Variants in TNFAIP8 observed in about 807,000 individuals in gnomAD.
The protein encoded by TNFAIP8 is tumor necrosis factor alpha-induced protein 8.
In TNFAIP8, 7 loss-of-function variants were observed where a neutral mutation model predicts 13.3. The observed-to-expected ratio is 0.52, with a 90% CI of 0.30 to 0.99. The LOEUF (loss-of-function observed/expected upper bound fraction) is 0.99, where lower values mean the gene tolerates loss of function less well. Among genes scored for constraint, TNFAIP8 ranks in the 50% least tolerant of loss-of-function variants. TNFAIP8 has a pLI of 0.07. For synonymous variants in TNFAIP8, 94 were observed against 87.6 expected (o/e 1.07, Z -0.41); for missense variants, 258 against 236.9 (o/e 1.09, Z -0.58).
chr5:119,270,760 T>G (rs1416467980), intron 1 of TNFAIP8, among the ~76,000 whole-genome samples: 6 of 152,242 alleles, frequency 3.9e-5, no homozygotes. Flanking sequence ...ATGTGTTGTG[T>G]TAAGCTCTTT....
At chr5:119,349,121 T>C (rs562543062) in intron 1 of TNFAIP8, among the ~76,000 whole-genome samples, 20 of 152,228 alleles carry the variant, frequency 1.3e-4, no homozygotes, top group Admixed American at 9.8e-4. Context: ...TTGACCCCAT[T>C]CACCTGAGCA....
At chr5:119,349,578 G>A (rs1261885233) in intron 1 of TNFAIP8, among the ~76,000 whole-genome samples, 1 of 152,188 alleles carries the variant, frequency 6.6e-6, no homozygotes, top group East Asian at 1.9e-4. Context: ...TGAGTCTGGT[G>A]TTCTTTTCCT....
At chr5:119,324,409 C>T (rs1750156251) in intron 1 of TNFAIP8, among the ~76,000 whole-genome samples, 1 of 149,248 alleles carries the variant, frequency 6.7e-6, no homozygotes, top group Non-Finnish European at 1.5e-5. Flanking sequence ...GAACTCCTAT[C>T]TTTAACTTCT....
chr5:119,347,641 G>C (rs1252530213), intron 1 of TNFAIP8, among the ~76,000 whole-genome samples: 1 of 152,102 alleles, frequency 6.6e-6, no homozygotes, highest in African/African-American at 2.4e-5. Flanking sequence ...CTTAAATTTT[G>C]TAACCTGACC....
At chr5:119,315,252 T>A (rs2112678546) in intron 1 of TNFAIP8, among the ~76,000 whole-genome samples, 1 of 152,218 alleles carries the variant, frequency 6.6e-6, no homozygotes, top group Non-Finnish European at 1.5e-5. Context: ...CCAGCTTATT[T>A]TTTGTATTTT....
At chr5:119,284,801 G>C (rs1014164081) in intron 1 of TNFAIP8, among the ~76,000 whole-genome samples, 1 of 152,226 alleles carries the variant, frequency 6.6e-6, no homozygotes, top group South Asian at 2.1e-4. Context: ...CTGCCTTGCT[G>C]ATAACAAGTC....
chr5:119,300,190 T>C (rs6874081), intron 1 of TNFAIP8, among the ~76,000 whole-genome samples: 20,977 of 152,202 alleles, frequency 0.14, 3,859 homozygotes, highest in African/African-American at 0.42. Flanking sequence ...AGAAATCACC[T>C]GTCTTCTGTG....
chr5:119,382,816 C>T (rs990897892), intron 1 of TNFAIP8, among the ~76,000 whole-genome samples: 12 of 152,198 alleles, frequency 7.9e-5, no homozygotes, highest in Admixed American at 6.5e-4. Flanking sequence ...TACCTGACTG[C>T]CTGTCTTGTA....
intron 1 of TNFAIP8, among the ~76,000 whole-genome samples, chr5:119,376,542 T>C (rs903446796): frequency 3.3e-5 from 5 of 152,192 alleles, no homozygotes; most frequent in East Asian, 1.9e-4. Flanking sequence ...TTTATAAAAA[T>C]CAGTATTCAT....
chr5:119,381,615 C>T (rs1752488034), intron 1 of TNFAIP8, among the ~76,000 whole-genome samples: 1 of 152,114 alleles, frequency 6.6e-6, no homozygotes, highest in Admixed American at 6.5e-5. Flanking sequence ...TCCCCTGTCT[C>T]TTTTTCCTAG....
chr5:119,281,626 A>C (rs545656025), intron 1 of TNFAIP8, among the ~76,000 whole-genome samples: 1 of 152,224 alleles, frequency 6.6e-6, no homozygotes. Context: ...CATATGCCAT[A>C]CTAATTCTTT....
intron 1 of TNFAIP8, among the ~76,000 whole-genome samples, chr5:119,362,521 C>G (rs1751674034): frequency 6.6e-6 from 1 of 152,106 alleles, no homozygotes; most frequent in Non-Finnish European, 1.5e-5. Flanking sequence ...TAAGGCTAGG[C>G]ACAATGGCTC....
At chr5:119,380,906 T>C (rs966301300) in intron 1 of TNFAIP8, among the ~76,000 whole-genome samples, 2 of 152,344 alleles carry the variant, frequency 1.3e-5, no homozygotes, top group Admixed American at 6.5e-5. Context: ...AGCTGACATC[T>C]GTATTTTTGT....
intron 1 of TNFAIP8, among the ~76,000 whole-genome samples, chr5:119,310,357 A>G (rs13153732): frequency 0.13 from 19,389 of 151,962 alleles, 3,240 homozygotes; most frequent in African/African-American, 0.39. Flanking sequence ...AACTTCTCCT[A>G]GGACAGTTAC....
intron 1 of TNFAIP8, among the ~76,000 whole-genome samples, chr5:119,373,920 C>T (rs897615509): frequency 6.6e-6 from 1 of 152,090 alleles, no homozygotes; most frequent in African/African-American, 2.4e-5. Flanking sequence ...GATTCATAGC[C>T]TTTGGCAGGC....
In TNFAIP8 at chr5:119,397,657, C is replaced by T. The variant is rs1168650611; in HGVS notation, c.*4276C>T. The T allele has an allele frequency of 6.6e-6, 1 of 152,168 alleles. No individual in the cohort carries two copies. Among genetic ancestry groups the T allele is most frequent in the African/African-American group, 2.4e-5 (1 of 41,430 alleles). The allele number at this position is 152,168 out of a possible 1,614,324, so 9.4% of individuals were successfully genotyped here. On this transcript the variant is annotated 3_prime_UTR_variant, in exon 2 of 2. Coordinates refer to ENST00000504771, the MANE Select transcript of TNFAIP8 (RefSeq NM_014350.4). ...CAGATAAAAACTTTATAGAAACTCC[C>T]TAATGAAAATATTGAAGCATTAACC...
At chr5:119,292,944 T>G (rs1260485513) in intron 1 of TNFAIP8, among the ~76,000 whole-genome samples, 1 of 151,800 alleles carries the variant, frequency 6.6e-6, no homozygotes, top group Admixed American at 6.6e-5. Context: ...GAAATGTTCT[T>G]CTTCTTTTTT....
chr5:119,378,536 A>G (rs1195663065), intron 1 of TNFAIP8, among the ~76,000 whole-genome samples: 1 of 152,186 alleles, frequency 6.6e-6, no homozygotes, highest in African/African-American at 2.4e-5. Context: ...CAAGATGCAT[A>G]TTTGAGAGAT....
intron 1 of TNFAIP8, among the ~76,000 whole-genome samples, chr5:119,290,406 G>T (rs908950083): frequency 1.3e-5 from 2 of 152,176 alleles, no homozygotes; most frequent in Non-Finnish European, 1.5e-5. Context: ...CTGGCAAGTG[G>T]TAGTCGCTCT....
Sources: gnomAD v4.1 joint callset for allele counts (sites outside exome capture counted in the v4.1 genomes callset) on GRCh38, gnomAD v4.1.1 for gene constraint, MANE v1.5 for transcripts, NCBI Gene and HGNC (gene_info 2026-07-23, HGNC 2026-07-21) for gene names.